RBKS: variants seen among roughly 807,000 people sequenced by gnomAD.
The protein encoded by RBKS is ribokinase.
A neutral mutation model predicts 33.9 loss-of-function variants in RBKS; 33 were observed. The ratio of observed to expected loss-of-function variants is 0.97; its 90% CI spans 0.74 to 1.30. RBKS has a LOEUF of 1.30. RBKS is among the 50% of genes most tolerant of loss of function. The pLI is 0.00. For synonymous variants in RBKS, 125 were observed against 143.0 expected (o/e 0.87, Z 0.90); for missense variants, 361 against 392.6 (o/e 0.92, Z 0.68).
At position 27,843,238 on chromosome 2, in the gene RBKS, A is replaced by G. The variant is rs775591414; in HGVS notation, c.350-7T>C. The stretch of plus-strand genomic sequence containing the variant: ...ATGACAATGATATTCTGGCCTATAA[A>G]GAAATTCCACCTATTATATTAAAAC... On this transcript the variant is annotated splice_region_variant and splice_polypyrimidine_tract_variant and intron_variant, in intron 4 of 7. Coordinates refer to ENST00000302188, the MANE Select transcript of RBKS (RefSeq NM_022128.3). 2 of 1,596,390 alleles carry G rather than the reference A, an allele frequency of 1.3e-6. No homozygotes were observed. The highest frequency in any genetic ancestry group is 3.5e-5 in the Admixed American group (2 of 57,012).
At chr2:27,825,685 G>A (rs757019144) in intron 7 of RBKS, among the ~76,000 whole-genome samples, 7 of 152,230 alleles carry the variant, frequency 4.6e-5, no homozygotes, top group Non-Finnish European at 8.8e-5. Flanking sequence ...AGCTGACAGG[G>A]AGGGAGCCAG....
At chr2:27,861,609 C>A in intron 1 of RBKS, 1 of 465,288 alleles carries the variant, frequency 2.1e-6, no homozygotes, top group Non-Finnish European at 4.4e-6. Context: ...AAGTAATACA[C>A]GAGTGAAGAA....
At chr2:27,865,982 C>G (rs1196300612) in intron 1 of RBKS, among the ~76,000 whole-genome samples, 1 of 152,002 alleles carries the variant, frequency 6.6e-6, no homozygotes, top group Non-Finnish European at 1.5e-5. Context: ...AAGAAAAAGT[C>G]TTTGTATTTA....
rs748865991 is a variant in RBKS at position 27,832,736 on chromosome 2, C to G, written c.556G>C (p.Asp186His). The stretch of plus-strand genomic sequence containing the variant: ...TCTGAGAGGGTGTAGAACTGGGGAT[C>G]CAGGTCAGCAATGGCAGGGGCTGGA... ...FNPAPAIADLDPQFYTLSDVF... is the reference protein window; with the variant it reads ...FNPAPAIADLHPQFYTLSDVF... Residue 186 changes from aspartate (D) to histidine (H), a missense_variant, in exon 6 of 8, where the codon GAT becomes CAT. Transcript: ENST00000302188. The G allele has an allele frequency of 1.2e-6, 2 of 1,612,976 alleles. No individual in the cohort carries two copies. Among genetic ancestry groups the G allele is most frequent in the Non-Finnish European group, 1.7e-6 (2 of 1,179,334 alleles).
intron 1 of RBKS, among the ~76,000 whole-genome samples, chr2:27,879,815 A>G (rs996810142): frequency 6.6e-6 from 1 of 152,240 alleles, no homozygotes; most frequent in Non-Finnish European, 1.5e-5. Flanking sequence ...TGAACAGACC[A>G]ACAATGAGCT....
intron 7 of RBKS, among the ~76,000 whole-genome samples, chr2:27,801,328 C>T (rs1677775880): frequency 6.6e-6 from 1 of 152,108 alleles, no homozygotes; most frequent in Admixed American, 6.5e-5. Flanking sequence ...GCCCTGCCTA[C>T]AGCCTTCATT....
At chr2:27,820,221 A>G (rs1039433078) in intron 7 of RBKS, among the ~76,000 whole-genome samples, 14 of 152,216 alleles carry the variant, frequency 9.2e-5, no homozygotes, top group African/African-American at 3.4e-4. Context: ...AACTCAAATA[A>G]TTCAGTAGAG....
chr2:27,838,114 C>G (rs1292017284), intron 5 of RBKS, among the ~76,000 whole-genome samples: 1 of 152,080 alleles, frequency 6.6e-6, no homozygotes, highest in African/African-American at 2.4e-5. Flanking sequence ...GCATAAGAAT[C>G]ACTTGAATAT....
chr2:27,841,518 T>A (rs1663507662), intron 5 of RBKS, among the ~76,000 whole-genome samples: 1 of 152,128 alleles, frequency 6.6e-6, no homozygotes, highest in African/African-American at 2.4e-5. Flanking sequence ...CCAAATGGGT[T>A]TTGGCTTAGA....
intron 1 of RBKS, among the ~76,000 whole-genome samples, chr2:27,885,350 C>G (rs1382805681): frequency 6.6e-6 from 1 of 152,102 alleles, no homozygotes; most frequent in Non-Finnish European, 1.5e-5. Context: ...CTCATATAGC[C>G]CTTGGAGAGA....
At chr2:27,874,655 C>A (rs1664278139) in intron 1 of RBKS, among the ~76,000 whole-genome samples, 1 of 152,232 alleles carries the variant, frequency 6.6e-6, no homozygotes, top group African/African-American at 2.4e-5. Context: ...AGGTTAATTT[C>A]TCCAAATTGC....
At position 27,799,274 on chromosome 2, in the gene RBKS, G is replaced by A. The variant is rs544194916; in HGVS notation, c.796-17486C>T. On this transcript the variant is annotated intron_variant, in intron 7 of 7. Transcript: ENST00000302188. ...ATGAAAGTCTCCAAGGTAAGATCTTGTCAGGCAGCTCTAACAGATTCCAGA... is the reference window on the plus strand; with the variant it reads ...ATGAAAGTCTCCAAGGTAAGATCTTATCAGGCAGCTCTAACAGATTCCAGA... 3.3e-5 allele frequency among the ~76,000 whole-genome samples: 5 copies of A among 152,346 alleles called. No homozygotes were observed. In the South Asian group the frequency reaches 1.0e-3, roughly 32 times the overall value.
At chr2:27,870,211 G>A (rs925976214) in intron 1 of RBKS, 1 of 152,688 alleles carries the variant, frequency 6.5e-6, no homozygotes, top group Non-Finnish European at 1.5e-5. Context: ...TTTGAAACAT[G>A]TCAGAAATCC....
chr2:27,795,657 G>C lies in RBKS; in HGVS notation c.796-13869C>G, dbSNP rs953471356. ...CCAGTCATTTGTCCAGAGTCACAGA[G>C]CTGGTAAATGGCAGAGCTGCACTTT... is the stretch of plus-strand genomic sequence containing the variant. On this transcript the variant is annotated intron_variant, in intron 7 of 7. Coordinates refer to ENST00000302188, the MANE Select transcript of RBKS (RefSeq NM_022128.3). The surrounding 1 kb of genome is among the most constrained non-coding windows in gnomAD (Gnocchi z 4.1). Among the ~76,000 whole-genome samples the C allele has an allele frequency of 6.6e-6, 1 of 152,150 alleles. No individual in the cohort carries two copies. Among genetic ancestry groups the C allele is most frequent in the South Asian group, 2.1e-4 (1 of 4,828 alleles).
At position 27,783,529 on chromosome 2, in the gene RBKS, C is replaced by T. The variant is rs1351512865; in HGVS notation, c.796-1741G>A. Among the ~76,000 whole-genome samples the T allele has an allele frequency of 3.3e-5, 5 of 152,268 alleles. No homozygotes were observed. In the East Asian group the frequency reaches 9.7e-4, roughly 29 times the overall value. On this transcript the variant is annotated intron_variant, in intron 7 of 7. Transcript: ENST00000302188. The stretch of plus-strand genomic sequence containing the variant: ...TCCTGAGAAAGTCTGTGGACCTGTG[C>T]CTTTGGACAGAGCAATACCTGCTCG...
At position 27,781,621 on chromosome 2, in the gene RBKS, CAG is replaced by C; in HGVS notation, c.961_962del (p.Leu321ValfsTer25). On this transcript the variant is annotated frameshift_variant, in exon 8 of 8. Transcript: ENST00000302188. LOFTEE classifies it high-confidence loss of function. ...YPYKKDLPLT[L>X]F Reference sequence around the variant, plus strand: ...ATTTTGGGACTAATAGCAATCAAAACAGAGTAAGCGGAAGGTCTTTTTTGTAA... The same window carrying C: ...ATTTTGGGACTAATAGCAATCAAAACAGTAAGCGGAAGGTCTTTTTTGTAA... 6.2e-7 allele frequency: 1 copy of C among 1,608,666 alleles called. No homozygotes were observed.
At chr2:27,808,517 C>T (rs1477136713) in intron 7 of RBKS, among the ~76,000 whole-genome samples, 1 of 152,146 alleles carries the variant, frequency 6.6e-6, no homozygotes, top group African/African-American at 2.4e-5. Flanking sequence ...TTGTGGTGCT[C>T]AACCTACCTC....
chr2:27,881,654 C>T (rs1664418972), intron 1 of RBKS, among the ~76,000 whole-genome samples: 1 of 152,254 alleles, frequency 6.6e-6, no homozygotes, highest in South Asian at 2.1e-4. Context: ...ATCACACTAC[C>T]TGACTTCAAA....
chr2:27,792,981 T>A (rs1677567383), intron 7 of RBKS, among the ~76,000 whole-genome samples: 1 of 152,198 alleles, frequency 6.6e-6, no homozygotes, highest in South Asian at 2.1e-4. Context: ...GGAGCATAGA[T>A]TAAATGGCCA....
Sources: allele counts gnomAD v4.1 joint callset (sites outside exome capture counted in the v4.1 genomes callset), GRCh38; gene constraint gnomAD v4.1.1; non-coding constraint Gnocchi (gnomAD v3.1); transcripts MANE v1.5; gene names NCBI Gene and HGNC (gene_info 2026-07-23, HGNC 2026-07-21).